The following MARCHF10 variants were observed in gnomAD, a reference collection of about 807,000 sequenced individuals.
MARCHF10 encodes the protein probable E3 ubiquitin-protein ligase MARCHF10.
MARCHF10 carries 64 observed loss-of-function variants against 76.2 expected under a neutral mutation model. The observed-to-expected ratio is 0.84, with a 90% confidence interval of 0.69 to 1.03. MARCHF10 has a LOEUF of 1.03. Among genes scored for constraint, MARCHF10 ranks in the 50% least tolerant of loss-of-function variants. The pLI is 0.00. For synonymous variants in MARCHF10, 340 were observed against 357.5 expected (o/e 0.95, Z 0.55); for missense variants, 875 against 958.0 (o/e 0.91, Z 1.14).
chr17:62,728,173 C>T (rs1004168427), intron 6 of MARCHF10, among the ~76,000 whole-genome samples: 2 of 151,508 alleles, frequency 1.3e-5, no homozygotes, highest in East Asian at 1.9e-4. Context: ...CACAGGTGCA[C>T]GCCACCATGC....
At chr17:62,759,471 T>A (rs1022743090) in intron 4 of MARCHF10, among the ~76,000 whole-genome samples, 1 of 152,170 alleles carries the variant, frequency 6.6e-6, no homozygotes, top group African/African-American at 2.4e-5. Context: ...TCAATTTGAT[T>A]GTTGTTGTTA....
intron 3 of MARCHF10, among the ~76,000 whole-genome samples, 196 bp from the exon 4 acceptor site, chr17:62,760,202 G>A (rs12940621): frequency 0.5 from 75,464 of 152,066 alleles, 20,292 homozygotes; most frequent in East Asian, 0.7. Flanking sequence ...GGCAGAGTTA[G>A]TGAGTCTGTT....
At chr17:62,728,066 T>A (rs1166795914) in intron 6 of MARCHF10, among the ~76,000 whole-genome samples, 3 of 152,198 alleles carry the variant, frequency 2.0e-5, no homozygotes, top group African/African-American at 7.2e-5. Context: ...TAGAGACAGG[T>A]CTCACTCTGT....
At chr17:62,792,428 T>C (rs958469324) in intron 2 of MARCHF10, among the ~76,000 whole-genome samples, 5 of 151,986 alleles carry the variant, frequency 3.3e-5, no homozygotes, top group Admixed American at 1.3e-4. Context: ...GTTGGTGATA[T>C]GTTAATAATG....
At chr17:62,785,795 A>T (rs2148103631) in intron 3 of MARCHF10, among the ~76,000 whole-genome samples, 1 of 152,388 alleles carries the variant, frequency 6.6e-6, no homozygotes, top group South Asian at 2.1e-4. Flanking sequence ...ATCACTGGTC[A>T]TCAGAGAAAT....
chr17:62,704,946 G>GTGGTTTTT, intron 10 of MARCHF10: 1 of 837,084 alleles, frequency 1.2e-6, no homozygotes, highest in Non-Finnish European at 1.4e-6. Context: ...TTCTCCAGTC[G>GTGGTTTTT]TTTTTTTTTT....
At chr17:62,777,373 C>T (rs761679441) in intron 3 of MARCHF10, among the ~76,000 whole-genome samples, 6 of 152,336 alleles carry the variant, frequency 3.9e-5, no homozygotes, top group Non-Finnish European at 5.9e-5. Flanking sequence ...AATGACCTAA[C>T]GACCCAGAAG....
At chr17:62,778,282 CT>C (rs2092590618) in intron 3 of MARCHF10, among the ~76,000 whole-genome samples, 1 of 152,098 alleles carries the variant, frequency 6.6e-6, no homozygotes, top group African/African-American at 2.4e-5. Flanking sequence ...ACACAAGGGC[CT>C]TGGGTACCTT....
In MARCHF10 at chr17:62,705,879, T is replaced by C. The variant is rs138365850; in HGVS notation, c.2329-298A>G. Reference sequence around the variant, plus strand: ...ATTGATCTGAATAGCAGAATCCCATTCTGATGGTCCGAATCACATTTACAG... The same window carrying C: ...ATTGATCTGAATAGCAGAATCCCATCCTGATGGTCCGAATCACATTTACAG... On this transcript the variant is annotated intron_variant, in intron 9 of 10. Transcript: ENST00000311269. 9.5e-4 allele frequency among the ~76,000 whole-genome samples: 145 copies of C among 152,324 alleles called. 4 individuals carry two copies. In the East Asian group the frequency reaches 0.027, roughly 28 times the overall value.
rs146292373 is a variant in MARCHF10 at position 62,736,355 on chromosome 17, A to T, written c.1513T>A (p.Ser505Thr). Residue 505 changes from serine (S) to threonine (T), a missense_variant, in exon 6 of 11, where the codon TCA becomes ACA. Transcript: ENST00000311269. ...SVHSSDSEGN[S>T]GFHVCQPLSP... The stretch of plus-strand genomic sequence containing the variant: ...AGTGGTTGGCAAACATGAAACCCTG[A>T]GTTTCCCTCTGAGTCTGAGCTGTGA... 2.0e-5 allele frequency: 33 copies of T among 1,614,078 alleles called. No homozygotes were observed. In the African/African-American group the frequency reaches 3.2e-4, roughly 16 times the overall value.
chr17:62,704,953 T>TG, intron 10 of MARCHF10: 1 of 973,400 alleles, frequency 1.0e-6, no homozygotes, highest in Non-Finnish European at 1.2e-6. Flanking sequence ...GTCGTTTTTT[T>TG]TTTTTTTTAA....
chr17:62,748,759 C>A (rs2091796657), intron 4 of MARCHF10, among the ~76,000 whole-genome samples: 1 of 152,136 alleles, frequency 6.6e-6, no homozygotes, highest in South Asian at 2.1e-4. Context: ...GAGTTTCGAA[C>A]CCTCAATTTG....
At chr17:62,798,684 A>C (rs903961340) in intron 2 of MARCHF10, among the ~76,000 whole-genome samples, 7 of 152,186 alleles carry the variant, frequency 4.6e-5, no homozygotes, top group African/African-American at 1.7e-4. Context: ...GTTTGGGGAC[A>C]TCTGGGATGA....
intron 2 of MARCHF10, among the ~76,000 whole-genome samples, chr17:62,797,931 A>T (rs554206647): frequency 1.3e-4 from 20 of 152,202 alleles, no homozygotes; most frequent in Admixed American, 2.0e-4. Flanking sequence ...AGGACTTGGT[A>T]ACTGGTGGGA....
chr17:62,771,480 C>T (rs576506955), intron 3 of MARCHF10, among the ~76,000 whole-genome samples: 49 of 151,604 alleles, frequency 3.2e-4, no homozygotes, highest in African/African-American at 1.2e-3. Context: ...CGCAGGGCCT[C>T]GTTGGTTACA....
chr17:62,705,664 C>T (rs2089542228), intron 9 of MARCHF10, 83 bp from the exon 10 acceptor site: 6 of 1,533,702 alleles, frequency 3.9e-6, no homozygotes, highest in South Asian at 1.1e-5. Flanking sequence ...GTCGCAGCAA[C>T]GTTCTAGGAA....
At chr17:62,790,740 G>A (rs926648194) in intron 2 of MARCHF10, among the ~76,000 whole-genome samples, 7 of 152,194 alleles carry the variant, frequency 4.6e-5, no homozygotes, top group Admixed American at 3.9e-4. Flanking sequence ...CACGCCATGA[G>A]TAAGCCTGAC....
chr17:62,744,326 A>C (rs747156431), intron 5 of MARCHF10, 50 bp downstream of exon 5: 13 of 1,573,852 alleles, frequency 8.3e-6, no homozygotes, highest in Non-Finnish European at 1.1e-5. Context: ...TAACAGCAAA[A>C]ATCAGTCCTC....
intron 1 of MARCHF10, among the ~76,000 whole-genome samples, chr17:62,805,612 G>A (rs2093150950): frequency 1.3e-5 from 2 of 152,108 alleles, no homozygotes; most frequent in South Asian, 4.1e-4. Flanking sequence ...AGTTACCTCT[G>A]ACTTCACAAT....
Sources: allele counts gnomAD v4.1 joint callset (sites outside exome capture counted in the v4.1 genomes callset), GRCh38; gene constraint gnomAD v4.1.1; transcripts MANE v1.5; gene names NCBI Gene and HGNC (gene_info 2026-07-23, HGNC 2026-07-21).